KIAA0319: variants seen among roughly 807,000 people sequenced by gnomAD.
The protein encoded by KIAA0319 is dyslexia-associated protein KIAA0319.
A neutral mutation model predicts 108.4 loss-of-function variants in KIAA0319; 83 were observed. The observed-to-expected ratio is 0.77, with a 90% CI of 0.64 to 0.92. KIAA0319 has a LOEUF of 0.92. Among genes scored for constraint, KIAA0319 ranks in the 40% least tolerant of loss-of-function variants. The pLI, the probability that KIAA0319 is intolerant of heterozygous loss-of-function variation, is 0.00. For missense variants in KIAA0319, 1,195 were observed against 1,322.4 expected, an observed-to-expected ratio of 0.90 and a Z score of 1.49; for synonymous variants, 484 against 510.4, an observed-to-expected ratio of 0.95 and a Z score of 0.70.
At chr6:24,552,885 A>G (rs901240951) in intron 19 of KIAA0319, among the ~76,000 whole-genome samples, 2 of 152,180 alleles carry the variant, frequency 1.3e-5, no homozygotes, top group African/African-American at 4.8e-5. Flanking sequence ...GGTTACAGGC[A>G]TGAGCCACCT....
At chr6:24,557,089 C>A (rs748973828) in intron 17 of KIAA0319, among the ~76,000 whole-genome samples, 1 of 152,170 alleles carries the variant, frequency 6.6e-6, no homozygotes, top group Non-Finnish European at 1.5e-5. Flanking sequence ...CCTGTAGTCC[C>A]AGCTACTCAG....
downstream of KIAA0319, among the ~76,000 whole-genome samples, chr6:24,541,367 T>G (rs528382146): frequency 6.6e-6 from 1 of 152,362 alleles, no homozygotes; most frequent in South Asian, 2.1e-4. Context: ...ACCAGTCGAT[T>G]GGATTAGGAC....
intron 1 of KIAA0319, among the ~76,000 whole-genome samples, chr6:24,638,597 A>G (rs1421082454): frequency 1.3e-5 from 2 of 152,098 alleles, no homozygotes; most frequent in Non-Finnish European, 2.9e-5. Flanking sequence ...TGTCTCTACT[A>G]AAAATACAAA....
At chr6:24,581,084 A>C in intron 6 of KIAA0319, 71 bp from the exon 7 acceptor site, 1 of 956,308 alleles carries the variant, frequency 1.0e-6, no homozygotes, top group Non-Finnish European at 1.7e-6. Context: ...GAAAAAGCTA[A>C]AATGTCCCAG....
At chr6:24,600,226 G>C (rs895448157) in intron 2 of KIAA0319, among the ~76,000 whole-genome samples, 1 of 152,136 alleles carries the variant, frequency 6.6e-6, no homozygotes, top group African/African-American at 2.4e-5. Flanking sequence ...ATTAATGAAG[G>C]TATTTTCTAG....
chr6:24,575,860 C>T (rs755946969), intron 10 of KIAA0319, among the ~76,000 whole-genome samples: 5 of 151,836 alleles, frequency 3.3e-5, no homozygotes, highest in Admixed American at 1.3e-4. Flanking sequence ...GCAAACAGCT[C>T]ACACACACAA....
In KIAA0319 at chr6:24,601,213, A is replaced by C; in HGVS notation, c.-105-5T>G. 1 of 1,549,768 alleles carries C rather than the reference A, an allele frequency of 6.5e-7. No homozygotes were observed. On this transcript the variant is annotated splice_polypyrimidine_tract_variant and splice_region_variant and intron_variant, in intron 1 of 20. Coordinates refer to ENST00000378214, the MANE Select transcript of KIAA0319 (RefSeq NM_014809.4). ...AGCCAGATTTGGCCTCAAGAACTTC[A>C]AAGGAAAAACATAAAAGAGGAAGGA... is the stretch of plus-strand genomic sequence containing the variant.
At chr6:24,623,241 GCACA>G (rs1005685146) in intron 1 of KIAA0319, among the ~76,000 whole-genome samples, 1 of 151,788 alleles carries the variant, frequency 6.6e-6, no homozygotes, top group Non-Finnish European at 1.5e-5. Flanking sequence ...ACACATACAC[GCACA>G]CACACAAAGA....
intron 1 of KIAA0319, among the ~76,000 whole-genome samples, chr6:24,625,503 C>T (rs1774579358): frequency 1.3e-5 from 2 of 152,006 alleles, no homozygotes; most frequent in South Asian, 4.1e-4. Flanking sequence ...AAAGCTTTGC[C>T]CCTAAGATCA....
chr6:24,584,473 G>A (rs2127492763), intron 4 of KIAA0319, among the ~76,000 whole-genome samples: 1 of 146,286 alleles, frequency 6.8e-6, no homozygotes, highest in African/African-American at 2.6e-5. Flanking sequence ...GCTCCAGAGG[G>A]ATCAGCTGCA....
intron 16 of KIAA0319, among the ~76,000 whole-genome samples, chr6:24,563,080 A>G (rs1212900907): frequency 6.6e-6 from 1 of 152,160 alleles, no homozygotes; most frequent in Non-Finnish European, 1.5e-5. Context: ...CCCAGCTCTG[A>G]AGACACCAGA....
chr6:24,609,073 G>C (rs950964829), intron 1 of KIAA0319, among the ~76,000 whole-genome samples: 1 of 149,972 alleles, frequency 6.7e-6, no homozygotes, highest in Non-Finnish European at 1.5e-5. Flanking sequence ...TTAGAAACCA[G>C]CTTGGGCAAT....
chr6:24,576,740 G>A, intron 9 of KIAA0319, 144 bp from the exon 10 acceptor site: 1 of 668,300 alleles, frequency 1.5e-6, no homozygotes, highest in Non-Finnish European at 2.6e-6. Context: ...GGCCATAGAA[G>A]GAGACTCTGT....
chr6:24,579,259 C>G (rs528474093), intron 8 of KIAA0319, among the ~76,000 whole-genome samples: 1 of 151,960 alleles, frequency 6.6e-6, no homozygotes, highest in East Asian at 1.9e-4. Context: ...CACATATACT[C>G]CCATAGAAGA....
chr6:24,542,314 A>AT (rs1306015741), downstream of KIAA0319, among the ~76,000 whole-genome samples: 10 of 152,242 alleles, frequency 6.6e-5, no homozygotes, highest in African/African-American at 1.9e-4. Context: ...ACAATACCCC[A>AT]TTCCCATTCT....
At chr6:24,630,448 G>A (rs1461932352) in intron 1 of KIAA0319, among the ~76,000 whole-genome samples, 3 of 148,418 alleles carry the variant, frequency 2.0e-5, no homozygotes, top group Non-Finnish European at 4.4e-5. Flanking sequence ...GGCGGAGGTT[G>A]CAGTGAGCTG....
chr6:24,600,690 G>A, intron 2 of KIAA0319: 1 of 1,531,090 alleles, frequency 6.5e-7, no homozygotes, highest in South Asian at 1.2e-5. Flanking sequence ...TTTGCCATGA[G>A]TGCATCCACC....
chr6:24,568,788 C>T lies in KIAA0319; in HGVS notation c.2133G>A (p.Val711=), dbSNP rs1161559690. Residue 711 remains valine (V), a synonymous_variant, in exon 13 of 21, where the codon GTG becomes GTA. Coordinates refer to ENST00000378214, the MANE Select transcript of KIAA0319 (RefSeq NM_014809.4). ...CACCTCAGACCCACTCACCCTTCTT[C>T]ACAGCCACAGTGAGGGTGGACGTGC... ...LSSTSTLTVA[V]KKENNSPPRA... The T allele has an allele frequency of 1.7e-5, 27 of 1,613,972 alleles. No individual in the cohort carries two copies. Among genetic ancestry groups the T allele is most frequent in the Non-Finnish European group, 2.3e-5 (27 of 1,179,970 alleles).
At position 24,632,919 on chromosome 6, in the gene KIAA0319, C is replaced by G. The variant is rs994385377; in HGVS notation, c.-106+12817G>C. Among the ~76,000 whole-genome samples, 4 of 152,056 alleles carry G rather than the reference C, an allele frequency of 2.6e-5. 1 individual carries two copies. Among genetic ancestry groups the G allele is most frequent in the South Asian group, 4.2e-4 (2 of 4,816 alleles). On this transcript the variant is annotated intron_variant, in intron 1 of 20. Transcript: ENST00000378214. ...CAAGTAGAATTAAGGGAAACATAATCCAGCATTGGTTTTTAAACACAAGAA... is the reference window on the plus strand; with the variant it reads ...CAAGTAGAATTAAGGGAAACATAATGCAGCATTGGTTTTTAAACACAAGAA...
Sources: allele counts gnomAD v4.1 joint callset (sites outside exome capture counted in the v4.1 genomes callset), GRCh38; gene constraint gnomAD v4.1.1; transcripts MANE v1.5; gene names NCBI Gene and HGNC (gene_info 2026-07-23, HGNC 2026-07-21).